The following DNAAF9 variants were observed in gnomAD, a reference collection of about 807,000 sequenced individuals.
DNAAF9 encodes dynein axonemal assembly factor 9.
In DNAAF9, 90 loss-of-function variants were observed where a neutral mutation model predicts 167.0. The ratio of observed to expected loss-of-function variants is 0.54; its 90% CI spans 0.45 to 0.64. The LOEUF (loss-of-function observed/expected upper bound fraction) is 0.64, where lower values mean the gene tolerates loss of function less well. Among genes scored for constraint, DNAAF9 ranks in the 30% least tolerant of loss-of-function variants. The pLI is 0.00. For missense variants in DNAAF9, 1,315 were observed against 1,442.2 expected (o/e 0.91, Z 1.43); for synonymous variants, 491 against 508.8 (o/e 0.96, Z 0.47).
intron 30 of DNAAF9, among the ~76,000 whole-genome samples, chr20:3,268,221 G>C (rs1306457286): frequency 2.0e-5 from 3 of 151,802 alleles, no homozygotes; most frequent in Non-Finnish European, 4.4e-5. Flanking sequence ...GTAGAGGCGG[G>C]GTTTCGCCAT....
intron 4 of DNAAF9, among the ~76,000 whole-genome samples, chr20:3,375,673 A>G (rs1187680679): frequency 6.6e-6 from 1 of 152,126 alleles, no homozygotes; most frequent in Non-Finnish European, 1.5e-5. Flanking sequence ...CAGTCTGACC[A>G]ATGTAACAAA....
chr20:3,269,572 C>T, intron 30 of DNAAF9, among the ~76,000 whole-genome samples: 1 of 152,218 alleles, frequency 6.6e-6, no homozygotes, highest in East Asian at 1.9e-4. Flanking sequence ...TGGCTACCAT[C>T]CTTCAATGGA....
At chr20:3,294,890 G>C (rs2069037433) in intron 23 of DNAAF9, among the ~76,000 whole-genome samples, 2 of 151,748 alleles carry the variant, frequency 1.3e-5, no homozygotes, top group South Asian at 4.2e-4. Context: ...TTTTGAGATG[G>C]AGTCTTGCTC....
intron 34 of DNAAF9, 85 bp downstream of exon 34, chr20:3,255,920 GC>G: frequency 1.0e-6 from 1 of 976,066 alleles, no homozygotes; most frequent in Non-Finnish European, 1.6e-6. Flanking sequence ...CATCAGGGAG[GC>G]AGTGGCGGGG....
intron 21 of DNAAF9, among the ~76,000 whole-genome samples, chr20:3,300,181 A>C (rs2069158678): frequency 6.6e-6 from 1 of 152,124 alleles, no homozygotes; most frequent in Non-Finnish European, 1.5e-5. Context: ...GGAATTGTTA[A>C]GTGTGAGCCA....
chr20:3,279,858 T>C (rs1033412527), intron 28 of DNAAF9, among the ~76,000 whole-genome samples: 2 of 152,136 alleles, frequency 1.3e-5, no homozygotes, highest in Non-Finnish European at 2.9e-5. Context: ...TCCCTGGCAA[T>C]TGGGATGCTA....
chr20:3,368,238 G>T (rs940863415), intron 6 of DNAAF9, among the ~76,000 whole-genome samples: 7 of 152,118 alleles, frequency 4.6e-5, no homozygotes, highest in Non-Finnish European at 1.0e-4. Flanking sequence ...CAGGGAGTGC[G>T]CTGGGCACCA....
chr20:3,326,304 T>G lies in DNAAF9; in HGVS notation c.1101-20A>C, dbSNP rs1192410746. The G allele has an allele frequency of 6.6e-7, 1 of 1,507,538 alleles. No individual in the cohort carries two copies. Among genetic ancestry groups the G allele is most frequent in the East Asian group, 2.3e-5 (1 of 44,326 alleles). 93.4% of individuals were successfully genotyped at this position (1,507,538 alleles called of 1,614,324 possible). On this transcript the variant is annotated intron_variant, in intron 12 of 36. Transcript: ENST00000252032. ...AGCCTACTTTAAAAACAAAAAATAA[T>G]GGTTAACATTACAGCATCATGAGGT...
intron 6 of DNAAF9, among the ~76,000 whole-genome samples, chr20:3,363,228 CAAAAAAA>C (rs550155552): frequency 9.5e-6 from 1 of 105,184 alleles, no homozygotes; most frequent in Non-Finnish European, 2.0e-5. Flanking sequence ...GACTCCGTCT[CAAAAAAA>C]AAAAAAAAGG....
chr20:3,276,591 CT>C (rs1430646676), intron 29 of DNAAF9, among the ~76,000 whole-genome samples: 2 of 152,228 alleles, frequency 1.3e-5, no homozygotes, highest in South Asian at 2.1e-4. Context: ...AGGGCTGCCC[CT>C]GATTCAATGA....
intron 29 of DNAAF9, among the ~76,000 whole-genome samples, chr20:3,274,464 C>T (rs2122829061): frequency 6.6e-6 from 1 of 152,292 alleles, no homozygotes; most frequent in Non-Finnish European, 1.5e-5. Flanking sequence ...TATTTATCTT[C>T]TTCCTCTATG....
intron 27 of DNAAF9, among the ~76,000 whole-genome samples, chr20:3,282,778 T>C (rs1259831145): frequency 6.6e-6 from 1 of 152,144 alleles, no homozygotes; most frequent in Non-Finnish European, 1.5e-5. Context: ...CTGCCTGGAA[T>C]GTTCTTTTCC....
At chr20:3,288,060 C>T (rs920058664) in intron 26 of DNAAF9, among the ~76,000 whole-genome samples, 2 of 152,214 alleles carry the variant, frequency 1.3e-5, no homozygotes, top group Non-Finnish European at 2.9e-5. Context: ...GACCAACAGA[C>T]ATCAGAGGTA....
chr20:3,336,252 G>GTTTTTTTTTTTTTTTTTTTT lies in DNAAF9; in HGVS notation c.982-3892_982-3891insAAAAAAAAAAAAAAAAAAAA, dbSNP rs1178750984. Among the ~76,000 whole-genome samples the GTTTTTTTTTTTTTTTTTTTT allele has an allele frequency of 9.8e-4, 80 of 81,410 alleles. 9 individuals carry two copies. The highest frequency in any genetic ancestry group is 1.8e-3 in the South Asian group (4 of 2,196). The allele number at this position is 81,410 out of a possible 152,430, so 53.4% of individuals were successfully genotyped here. A position where few individuals can be genotyped will look rare whatever the true frequency, so the allele number is the denominator to read the frequency against. ...TGATTTTGCAGATTCACAGTTTTGC[G>GTTTTTTTTTTTTTTTTTTTT]TTTTTGTTTTTTTTTTTTTTTTTGC... On this transcript the variant is annotated intron_variant, in intron 10 of 36. Coordinates refer to ENST00000252032, the MANE Select transcript of DNAAF9 (RefSeq NM_001009984.3).
chr20:3,301,178 C>CTTTTTTTTTTTT (rs11469332), intron 21 of DNAAF9, among the ~76,000 whole-genome samples: 11 of 125,154 alleles, frequency 8.8e-5, no homozygotes, highest in Non-Finnish European at 1.2e-4. Context: ...TCATGCTTGG[C>CTTTTTTTTTTTT]TTTTTTTTTT....
At chr20:3,293,666 CAAAAAAAA>C (rs71195830) in intron 25 of DNAAF9, among the ~76,000 whole-genome samples, 10 of 85,598 alleles carry the variant, frequency 1.2e-4, no homozygotes, top group Admixed American at 1.4e-4. Context: ...GCCTGGGTGA[CAAAAAAAA>C]AAAAAAAAAA....
At chr20:3,325,401 C>T (rs954581643) in intron 13 of DNAAF9, among the ~76,000 whole-genome samples, 1 of 152,128 alleles carries the variant, frequency 6.6e-6, no homozygotes, top group Non-Finnish European at 1.5e-5. Context: ...AGTTAAAAAA[C>T]AAAGATGTGA....
intron 25 of DNAAF9, 83 bp downstream of exon 25, chr20:3,294,055 TG>T (rs752202340): frequency 6.6e-4 from 520 of 788,792 alleles, no homozygotes; most frequent in Admixed American, 1.3e-3. Context: ...AAGTTCTTTT[TG>T]TTAACTGACA....
At position 3,252,423 on chromosome 20, in the gene DNAAF9, GAC is replaced by G. The variant is rs2068207944; in HGVS notation, c.*147_*148del. 6.5e-6 allele frequency: 4 copies of G among 612,750 alleles called. No individual in the cohort carries two copies. Among genetic ancestry groups the G allele is most frequent in the Non-Finnish European group, 1.2e-5 (4 of 338,504 alleles). The allele number at this position is 612,750 out of a possible 1,614,324, so 38.0% of individuals were successfully genotyped here. A position where few individuals can be genotyped will look rare whatever the true frequency, so the allele number is the denominator to read the frequency against. On this transcript the variant is annotated 3_prime_UTR_variant, in exon 37 of 37. Transcript: ENST00000252032. ...TCTTCAGCGCTATACAGGGAATAAA[GAC>G]AACATGCACTCAAGCCAGCCCACAC...
Sources: gnomAD v4.1 joint callset for allele counts (sites outside exome capture counted in the v4.1 genomes callset) on GRCh38, gnomAD v4.1.1 for gene constraint, MANE v1.5 for transcripts, NCBI Gene and HGNC (gene_info 2026-07-23, HGNC 2026-07-21) for gene names.